The following HADH variants were observed in gnomAD, a reference collection of about 807,000 sequenced individuals.
The protein encoded by HADH is hydroxyacyl-CoA dehydrogenase.
In HADH, 24 loss-of-function variants were observed where a neutral mutation model predicts 32.2. The ratio of observed to expected loss-of-function variants is 0.75; its 90% CI spans 0.54 to 1.05. The LOEUF is 1.05. HADH is among the 50% of genes least tolerant of loss of function. The pLI is 0.00. For synonymous variants in HADH, 139 were observed against 152.5 expected, an observed-to-expected ratio of 0.91 and a Z score of 0.65; for missense variants, 350 against 397.1, an observed-to-expected ratio of 0.88 and a Z score of 1.01.
Position 108,014,398 on chromosome 4 carries a change from G to A in HADH, c.262-33G>A, listed in dbSNP as rs779712247. 3.1e-6 allele frequency: 5 copies of A among 1,613,614 alleles called. No homozygotes were observed. The East Asian group carries it at 1.1e-4, about 36-fold the overall frequency. Reference sequence around the variant, plus strand: ...TGAAAGATAATTTCCAGTGAGCCCGGTGAATGTTCTCTTCTTCCTCCCACT... The same window carrying A: ...TGAAAGATAATTTCCAGTGAGCCCGATGAATGTTCTCTTCTTCCTCCCACT... On this transcript the variant is annotated intron_variant, in intron 2 of 7. Coordinates refer to ENST00000309522, the MANE Select transcript of HADH (RefSeq NM_005327.7).
At chr4:108,001,216 T>G (rs1409085099) in intron 1 of HADH, among the ~76,000 whole-genome samples, 1 of 152,168 alleles carries the variant, frequency 6.6e-6, no homozygotes, top group African/African-American at 2.4e-5. Flanking sequence ...ACCTACAGAA[T>G]AGTGGTACCA....
chr4:108,003,831 A>G (rs1413397946), intron 1 of HADH, among the ~76,000 whole-genome samples: 5 of 152,034 alleles, frequency 3.3e-5, no homozygotes, highest in African/African-American at 1.2e-4. Context: ...AAAAAACAAA[A>G]AAAAAACCCG....
intron 6 of HADH, chr4:108,032,435 T>C: frequency 9.6e-7 from 1 of 1,039,238 alleles, no homozygotes. Flanking sequence ...TCCTTACTTG[T>C]AAAACCCAAA....
At chr4:108,022,379 C>A (rs1324025539) in intron 4 of HADH, among the ~76,000 whole-genome samples, 9 of 152,094 alleles carry the variant, frequency 5.9e-5, no homozygotes, top group Non-Finnish European at 8.8e-5. Flanking sequence ...TGGTGCCATC[C>A]CCTACAGATG....
At chr4:108,014,359 C>T in intron 2 of HADH, 72 bp from the exon 3 acceptor site, 2 of 1,567,568 alleles carry the variant, frequency 1.3e-6, no homozygotes, top group South Asian at 2.2e-5. Context: ...CTAACTGGAG[C>T]AGAGCTAAGA....
intron 2 of HADH, among the ~76,000 whole-genome samples, chr4:108,012,070 A>AT (rs1491308731): frequency 2.0e-5 from 3 of 150,914 alleles, no homozygotes; most frequent in Non-Finnish European, 3.0e-5. Flanking sequence ...TAAAAAAAAA[A>AT]TTTTTTTTTA....
At chr4:108,014,369 A>T in intron 2 of HADH, 62 bp from the exon 3 acceptor site, 2 of 1,591,292 alleles carry the variant, frequency 1.3e-6, no homozygotes, top group Non-Finnish European at 1.7e-6. Flanking sequence ...CAGAGCTAAG[A>T]ACTTGAAAGA....
chr4:108,034,275 A>C lies in HADH; in HGVS notation c.863A>C (p.Gln288Pro), dbSNP rs751120678. 23 of 1,613,152 alleles carry C rather than the reference A, an allele frequency of 1.4e-5. 1 individual carries two copies. The East Asian group carries it at 5.1e-4, about 36-fold the overall frequency. ...ATGGATGCAGAGAACCCATTACATC[A>C]GCCCAGCCCATCCTTAAATAAGCTG... ...HEMDAENPLH[Q>P]PSPSLNKLVA... Residue 288 changes from glutamine (Q) to proline (P), a missense_variant, in exon 8 of 8, where the codon CAG becomes CCG. Coordinates refer to ENST00000309522, the MANE Select transcript of HADH (RefSeq NM_005327.7).
At chr4:107,998,197 T>G (rs1735012216) in intron 1 of HADH, among the ~76,000 whole-genome samples, 1 of 152,220 alleles carries the variant, frequency 6.6e-6, no homozygotes, top group Non-Finnish European at 1.5e-5. Flanking sequence ...GGTACACAGA[T>G]GCAGGGATGT....
In HADH at chr4:108,034,229, C is replaced by T. The variant is rs372610846; in HGVS notation, c.827-10C>T. The T allele has an allele frequency of 9.8e-5, 151 of 1,541,232 alleles. No homozygotes were observed. The highest frequency in any genetic ancestry group is 1.7e-4 in the Middle Eastern group (1 of 5,934). ...ACTTCATCCTGAGTTCTCTTCCCTC[C>T]GCTCAATAGGGTGGCATGAAATGGA... On this transcript the variant is annotated splice_polypyrimidine_tract_variant and intron_variant, in intron 7 of 7. Coordinates refer to ENST00000309522, the MANE Select transcript of HADH (RefSeq NM_005327.7).
At chr4:108,013,577 T>C (rs189211177) in intron 2 of HADH, among the ~76,000 whole-genome samples, 113 of 152,248 alleles carry the variant, frequency 7.4e-4, no homozygotes, top group African/African-American at 2.6e-3. Context: ...CTAGTTGACA[T>C]ACTATGCTTA....
intron 5 of HADH, 115 bp downstream of exon 5, chr4:108,023,678 A>G: frequency 1.3e-6 from 1 of 752,674 alleles, no homozygotes; most frequent in South Asian, 1.4e-5. Flanking sequence ...TGTATACTGC[A>G]AGCTTGTCCA....
In HADH at chr4:108,034,318, C is replaced by T. The variant is rs774041111; in HGVS notation, c.906C>T (p.Phe302=). ...ATAAGCTGGTAGCAGAGAACAAGTT[C>T]GGCAAGAAGACTGGAGAAGGATTTT... The part of the protein sequence containing the change: ...SLNKLVAENK[F]GKKTGEGFYK... Residue 302 remains phenylalanine (F), a synonymous_variant, in exon 8 of 8, where the codon TTC becomes TTT. Transcript: ENST00000309522. 59 of 1,612,204 alleles carry T rather than the reference C, an allele frequency of 3.7e-5. No individual in the cohort carries two copies. The highest frequency in any genetic ancestry group is 4.6e-5 in the Non-Finnish European group (54 of 1,178,390).
intron 4 of HADH, among the ~76,000 whole-genome samples, chr4:108,021,281 G>A (rs1181131076): frequency 6.6e-6 from 1 of 152,178 alleles, no homozygotes; most frequent in East Asian, 1.9e-4. Context: ...CTTTAATAAT[G>A]TTTTCAACTG....
chr4:108,014,922 A>G (rs1735643201), intron 3 of HADH, among the ~76,000 whole-genome samples: 1 of 152,166 alleles, frequency 6.6e-6, no homozygotes, highest in African/African-American at 2.4e-5. Flanking sequence ...CACTTAAGAT[A>G]ATGGCCTTCA....
Position 108,034,943 on chromosome 4 carries a change from G to T in HADH, c.*586G>T. The stretch of plus-strand genomic sequence containing the variant: ...TGGGTCAGCATATCTCTGTTTGCAT[G>T]GTTTGCAGGAGGTCGGTTTTCATGG... On this transcript the variant is annotated 3_prime_UTR_variant, in exon 8 of 8. Transcript: ENST00000309522. The T allele has an allele frequency of 6.0e-6, 1 of 165,532 alleles. No homozygotes were observed. The highest frequency in any genetic ancestry group is 5.6e-5 in the Admixed American group (1 of 17,952). The allele number at this position is 165,532 out of a possible 1,614,324, so 10.3% of individuals were successfully genotyped here. A position where few individuals can be genotyped will look rare whatever the true frequency, so the allele number is the denominator to read the frequency against.
chr4:107,992,496 G>A (rs1463134017), intron 1 of HADH, among the ~76,000 whole-genome samples: 1 of 152,190 alleles, frequency 6.6e-6, no homozygotes, highest in Non-Finnish European at 1.5e-5. Context: ...TTGGCATAGG[G>A]TAAATCTGTT....
chr4:108,015,132 T>G (rs1243318543), intron 3 of HADH, among the ~76,000 whole-genome samples: 1 of 152,218 alleles, frequency 6.6e-6, no homozygotes, highest in Non-Finnish European at 1.5e-5. Context: ...GTTTTTTTCC[T>G]TTGAATATAT....
At chr4:108,027,930 T>C (rs1376322917) in intron 6 of HADH, 170 bp downstream of exon 6, 1 of 654,210 alleles carries the variant, frequency 1.5e-6, no homozygotes, top group Non-Finnish European at 2.8e-6. Flanking sequence ...TTTTTCACTG[T>C]TTTCCCAGGG....
Sources: allele counts gnomAD v4.1 joint callset (sites outside exome capture counted in the v4.1 genomes callset), GRCh38; gene constraint gnomAD v4.1.1; transcripts MANE v1.5; gene names NCBI Gene and HGNC (gene_info 2026-07-23, HGNC 2026-07-21).